The following SH3RF3 variants were observed in gnomAD, a reference collection of about 807,000 sequenced individuals.
The protein encoded by SH3RF3 is E3 ubiquitin-protein ligase SH3RF3.
Under a neutral mutation model 66.3 loss-of-function variants are expected in SH3RF3, and 29 were observed. The ratio of observed to expected loss-of-function variants is 0.44; its 90% CI spans 0.33 to 0.60. The LOEUF (loss-of-function observed/expected upper bound fraction) is 0.60. Among genes scored for constraint, SH3RF3 ranks in the 20% least tolerant of loss-of-function variants. The pLI is 0.04. For synonymous variants in SH3RF3, 583 were observed against 532.0 expected, an observed-to-expected ratio of 1.10 and a Z score of -1.32; for missense variants, 1,194 against 1,190.9, an observed-to-expected ratio of 1.00 and a Z score of -0.04.
intron 3 of SH3RF3, among the ~76,000 whole-genome samples, chr2:109,387,754 C>T (rs1339718918): frequency 1.3e-5 from 2 of 152,218 alleles, no homozygotes; most frequent in African/African-American, 4.8e-5. Flanking sequence ...TCTGGGAGAG[C>T]AGGGGTTTTG....
At chr2:109,327,778 T>C (rs1682192162) in intron 1 of SH3RF3, among the ~76,000 whole-genome samples, 1 of 152,260 alleles carries the variant, frequency 6.6e-6, no homozygotes, top group Non-Finnish European at 1.5e-5. Context: ...TACTTGTGCA[T>C]GGTAGATAGA....
chr2:109,307,486 A>G (rs1681625467), intron 1 of SH3RF3, among the ~76,000 whole-genome samples: 1 of 149,800 alleles, frequency 6.7e-6, no homozygotes, highest in South Asian at 2.1e-4. Flanking sequence ...GGTTAGTTAC[A>G]TATGTATACA....
chr2:109,145,619 G>A (rs1574473095), intron 1 of SH3RF3, among the ~76,000 whole-genome samples: 1 of 152,156 alleles, frequency 6.6e-6, no homozygotes, highest in Non-Finnish European at 1.5e-5. Context: ...CACTGCTATC[G>A]CCATGCGTTT....
At chr2:109,386,864 G>A (rs997093409) in intron 3 of SH3RF3, among the ~76,000 whole-genome samples, 6 of 152,136 alleles carry the variant, frequency 3.9e-5, no homozygotes, top group African/African-American at 7.2e-5. Flanking sequence ...GGCACCTCAC[G>A]CTTTGTACAA....
chr2:109,478,707 G>C (rs1435176397), intron 8 of SH3RF3, among the ~76,000 whole-genome samples: 1 of 152,146 alleles, frequency 6.6e-6, no homozygotes, highest in Non-Finnish European at 1.5e-5. Context: ...GAGAGGGGGA[G>C]AGTCTGAGCT....
At chr2:109,488,540 C>T (rs1302562825) in intron 8 of SH3RF3, among the ~76,000 whole-genome samples, 1 of 152,200 alleles carries the variant, frequency 6.6e-6, no homozygotes, top group Non-Finnish European at 1.5e-5. Context: ...GAACAAGCCT[C>T]CTCACTCCCT....
At chr2:109,278,683 A>T (rs923190583) in intron 1 of SH3RF3, among the ~76,000 whole-genome samples, 5 of 152,184 alleles carry the variant, frequency 3.3e-5, no homozygotes, top group African/African-American at 1.2e-4. Context: ...GCTGAATTTT[A>T]CCTTCTTTGG....
chr2:109,249,842 T>C (rs2105255018), intron 1 of SH3RF3, among the ~76,000 whole-genome samples: 1 of 151,460 alleles, frequency 6.6e-6, no homozygotes, highest in African/African-American at 2.4e-5. Flanking sequence ...TTTATTTATT[T>C]ATTTTTTAAT....
At position 109,327,938 on chromosome 2, in the gene SH3RF3, G is replaced by T. The variant is rs1388871841; in HGVS notation, c.574-19736G>T. Among the ~76,000 whole-genome samples the T allele has an allele frequency of 4.6e-5, 7 of 152,222 alleles. No individual in the cohort carries two copies. The East Asian group carries it at 1.4e-3, about 29-fold the overall frequency. ...CCTTCAAACATACACAATCATGGAG[G>T]GTCTAGGACAATGACCCTGTGTCAG... On this transcript the variant is annotated intron_variant, in intron 1 of 9. Coordinates refer to ENST00000309415, the MANE Select transcript of SH3RF3 (RefSeq NM_001099289.3).
At chr2:109,287,729 G>T (rs1268857646) in intron 1 of SH3RF3, among the ~76,000 whole-genome samples, 1 of 152,200 alleles carries the variant, frequency 6.6e-6, no homozygotes, top group Non-Finnish European at 1.5e-5. Flanking sequence ...TCTGCACAGA[G>T]CTCTTCTCTG....
At chr2:109,276,170 A>G (rs544234674) in intron 1 of SH3RF3, among the ~76,000 whole-genome samples, 138 of 152,350 alleles carry the variant, frequency 9.1e-4, no homozygotes, top group African/African-American at 3.3e-3. Context: ...CAGGCATTCA[A>G]CTTAAGACCT....
At chr2:109,314,932 C>T (rs1009789765) in intron 1 of SH3RF3, among the ~76,000 whole-genome samples, 1 of 152,162 alleles carries the variant, frequency 6.6e-6, no homozygotes, top group African/African-American at 2.4e-5. Context: ...TTCGTCTCCC[C>T]GTATGAATCT....
At chr2:109,228,413 C>G (rs1235375983) in intron 1 of SH3RF3, among the ~76,000 whole-genome samples, 1 of 152,166 alleles carries the variant, frequency 6.6e-6, no homozygotes, top group Admixed American at 6.5e-5. Flanking sequence ...TTCCTTGATA[C>G]CCACAATGCA....
rs372887977 is a variant in SH3RF3, at chr2:109,227,453, C to T, written c.573+97340C>T. ...CTCACAGTCAAGTAAAAACCAAATG[C>T]GACTGGAGTTATGAGGATGGTGACA... On this transcript the variant is annotated intron_variant, in intron 1 of 9. Coordinates refer to ENST00000309415, the MANE Select transcript of SH3RF3 (RefSeq NM_001099289.3). Among the ~76,000 whole-genome samples the T allele has an allele frequency of 3.9e-5, 6 of 152,280 alleles. No homozygotes were observed. In the South Asian group the frequency reaches 6.2e-4, roughly 16 times the overall value.
intron 2 of SH3RF3, among the ~76,000 whole-genome samples, chr2:109,356,970 A>G (rs1300194156): frequency 6.6e-6 from 1 of 152,170 alleles, no homozygotes; most frequent in African/African-American, 2.4e-5. Context: ...TCTGCAGCAC[A>G]GATGTCCTGT....
intron 2 of SH3RF3, among the ~76,000 whole-genome samples, chr2:109,356,172 T>C (rs1682940974): frequency 1.3e-5 from 2 of 152,074 alleles, no homozygotes; most frequent in African/African-American, 4.8e-5. Flanking sequence ...GATTTTTAGG[T>C]ACAGGGAGTG....
intron 8 of SH3RF3, among the ~76,000 whole-genome samples, chr2:109,458,239 G>C (rs995543056): frequency 6.6e-6 from 1 of 152,080 alleles, no homozygotes; most frequent in African/African-American, 2.4e-5. Context: ...TTTGTATATA[G>C]CATGAGAATG....
intron 8 of SH3RF3, among the ~76,000 whole-genome samples, chr2:109,489,749 G>A (rs1357487049): frequency 8.1e-6 from 1 of 123,618 alleles, no homozygotes; most frequent in Non-Finnish European, 1.6e-5. Flanking sequence ...GCGGGGGGTG[G>A]GCGGGGGGGA....
chr2:109,206,624 A>G (rs1044348217), intron 1 of SH3RF3, among the ~76,000 whole-genome samples: 1 of 152,036 alleles, frequency 6.6e-6, no homozygotes, highest in Non-Finnish European at 1.5e-5. Context: ...CCTGGGAAAC[A>G]TAAGTAAGAC....
Sources: gnomAD v4.1 joint callset for allele counts (sites outside exome capture counted in the v4.1 genomes callset) on GRCh38, gnomAD v4.1.1 for gene constraint, MANE v1.5 for transcripts, NCBI Gene and HGNC (gene_info 2026-07-23, HGNC 2026-07-21) for gene names.